The following RNF17 variants were observed in gnomAD, a reference collection of about 807,000 sequenced individuals.
The protein encoded by RNF17 is spermatogenesis associated 23.
In RNF17, 31 loss-of-function variants were observed where a neutral mutation model predicts 200.5. The ratio of observed to expected loss-of-function variants is 0.15; its 90% CI spans 0.12 to 0.21. RNF17 has a LOEUF of 0.21. Among genes scored for constraint, RNF17 ranks in the 10% least tolerant of loss-of-function variants. The pLI is 1.00. For synonymous variants in RNF17, 606 were observed against 637.8 expected, an observed-to-expected ratio of 0.95 and a Z score of 0.75; for missense variants, 1,628 against 1,905.1, an observed-to-expected ratio of 0.85 and a Z score of 2.71.
chr13:24,838,325 T>G (rs981521742), intron 18 of RNF17, among the ~76,000 whole-genome samples: 11 of 152,052 alleles, frequency 7.2e-5, no homozygotes, highest in African/African-American at 2.7e-4. Context: ...CCTCCCTAAT[T>G]CATTCTATGA....
intron 15 of RNF17, among the ~76,000 whole-genome samples, chr13:24,808,240 G>A (rs369182874): frequency 6.6e-6 from 1 of 151,904 alleles, no homozygotes; most frequent in Non-Finnish European, 1.5e-5. Context: ...CTTGGGCAGT[G>A]TGGCCATTTT....
chr13:24,776,685 TG>T, intron 3 of RNF17, among the ~76,000 whole-genome samples: 2 of 152,348 alleles, frequency 1.3e-5, no homozygotes, highest in East Asian at 3.9e-4. Context: ...GTTAACTTAC[TG>T]GGTGAGGTCG....
intron 28 of RNF17, among the ~76,000 whole-genome samples, chr13:24,863,664 T>C (rs1323703923): frequency 6.6e-6 from 1 of 152,224 alleles, no homozygotes; most frequent in Non-Finnish European, 1.5e-5. Context: ...TTGTTAGTAC[T>C]AAGAGTCCCT....
chr13:24,777,554 A>C (rs1046570480), intron 3 of RNF17, among the ~76,000 whole-genome samples: 17 of 152,206 alleles, frequency 1.1e-4, no homozygotes, highest in African/African-American at 4.1e-4. Flanking sequence ...GAATGCAACT[A>C]ACTTTTTCTT....
the RNF17 span, among the ~76,000 whole-genome samples, chr13:24,749,105 C>A: frequency 6.6e-6 from 1 of 152,036 alleles, no homozygotes; most frequent in African/African-American, 2.4e-5. Flanking sequence ...ACCTTGCTCA[C>A]CTTAAAATTA....
intron 31 of RNF17, 140 bp from the exon 32 acceptor site, chr13:24,870,431 G>A: frequency 1.6e-6 from 1 of 621,924 alleles, no homozygotes; most frequent in Admixed American, 2.9e-5. Context: ...GATGTGGGAA[G>A]GAATAGGAGG....
chr13:24,767,086 G>A (rs1466934739), intron 1 of RNF17, among the ~76,000 whole-genome samples, 186 bp from the exon 2 acceptor site: 1 of 152,096 alleles, frequency 6.6e-6, no homozygotes, highest in Non-Finnish European at 1.5e-5. Context: ...AAAATTAGCC[G>A]GGTGTGTTGG....
downstream of RNF17, among the ~76,000 whole-genome samples, chr13:24,881,674 T>C (rs1953823509): frequency 6.7e-6 from 1 of 148,738 alleles, no homozygotes. Context: ...TATATATATC[T>C]ATCTAGATTA....
At chr13:24,844,921 ATGT>A (rs1261930588) in intron 21 of RNF17, 37 bp from the exon 22 acceptor site, 4 of 1,554,606 alleles carry the variant, frequency 2.6e-6, no homozygotes, top group Non-Finnish European at 3.5e-6. Flanking sequence ...ATATTTCGAA[ATGT>A]TGTTTGTCTG....
intron 2 of RNF17, among the ~76,000 whole-genome samples, chr13:24,774,263 G>A (rs1881234206): frequency 1.3e-5 from 2 of 151,938 alleles, no homozygotes; most frequent in Non-Finnish European, 2.9e-5. Context: ...GTGCAGTGAT[G>A]CAATCTTGGC....
chr13:24,789,720 A>C lies in RNF17; in HGVS notation c.883A>C (p.Ile295Leu), dbSNP rs769722259. 3.1e-6 allele frequency: 5 copies of C among 1,597,694 alleles called. No homozygotes were observed. Among genetic ancestry groups the C allele is most frequent in the Non-Finnish European group, 4.3e-6 (5 of 1,165,768 alleles). ...TAGGTTGAGTGTGAATTGCAGTGAG[A>C]TCATCTGTATGTTCAACAATATGGG... is the stretch of plus-strand genomic sequence containing the variant. ...PPRLSVNCSEIICMFNNMGKI... is the reference protein window; with the variant it reads ...PPRLSVNCSELICMFNNMGKI... Residue 295 changes from isoleucine (I) to leucine (L), a missense_variant, in exon 9 of 36, where the codon ATC becomes CTC. Transcript: ENST00000255324.
At chr13:24,756,510 G>GTT in the RNF17 span, among the ~76,000 whole-genome samples, 6 of 149,830 alleles carry the variant, frequency 4.0e-5, no homozygotes, top group Admixed American at 6.6e-5. Context: ...ATTCTGTTGG[G>GTT]TTTTTTTTTT....
the RNF17 span, chr13:24,752,066 G>A: frequency 6.6e-6 from 1 of 152,208 alleles, no homozygotes; most frequent in Admixed American, 6.5e-5. Context: ...TTCCATCATT[G>A]TTCAGCACTT....
intron 2 of RNF17, among the ~76,000 whole-genome samples, chr13:24,770,748 C>G (rs1394785712): frequency 6.6e-6 from 1 of 152,172 alleles, no homozygotes; most frequent in Non-Finnish European, 1.5e-5. Flanking sequence ...AATTAGTAAT[C>G]TGCTTTGTTT....
intron 1 of RNF17, among the ~76,000 whole-genome samples, chr13:24,767,059 A>T (rs994072499): frequency 4.6e-5 from 7 of 152,146 alleles, no homozygotes; most frequent in African/African-American, 1.7e-4. Context: ...GTTTAATCAC[A>T]ATAGAATTTC....
At chr13:24,876,874 G>A (rs1894916396) in intron 33 of RNF17, 123 bp from the exon 34 acceptor site, 2 of 665,002 alleles carry the variant, frequency 3.0e-6, no homozygotes, top group Middle Eastern at 2.8e-4. Context: ...TGCTTTTGGT[G>A]TCGTATCCAA....
intron 15 of RNF17, among the ~76,000 whole-genome samples, chr13:24,815,019 G>A (rs554200190): frequency 1.3e-5 from 2 of 152,266 alleles, no homozygotes; most frequent in African/African-American, 4.8e-5. Flanking sequence ...GAGAGAAGGT[G>A]TGTGTATGTA....
intron 10 of RNF17, among the ~76,000 whole-genome samples, chr13:24,793,921 G>T (rs927182646): frequency 2.0e-5 from 3 of 152,044 alleles, no homozygotes; most frequent in Admixed American, 6.5e-5. Flanking sequence ...CCTACCCGTT[G>T]TCTATTTTAT....
chr13:24,767,465 G>A (rs2137880435), intron 2 of RNF17, 99 bp downstream of exon 2: 2 of 846,452 alleles, frequency 2.4e-6, no homozygotes, highest in Non-Finnish European at 3.7e-6. Flanking sequence ...AAACTAAAAA[G>A]TTGGCCGGGC....
Sources: gnomAD v4.1 joint callset for allele counts (sites outside exome capture counted in the v4.1 genomes callset) on GRCh38, gnomAD v4.1.1 for gene constraint, MANE v1.5 for transcripts, NCBI Gene and HGNC (gene_info 2026-07-23, HGNC 2026-07-21) for gene names.